The following OR2L3 variants were observed in gnomAD, a reference collection of about 807,000 sequenced individuals.
OR2L3 encodes the protein olfactory receptor 2L3.
For synonymous variants in OR2L3, 131 were observed against 139.1 expected (o/e 0.94, Z 0.41); for missense variants, 369 against 376.6 (o/e 0.98, Z 0.17).
chr1:248,059,470 G>A (rs1191277908), intron 1 of OR2L3, among the ~76,000 whole-genome samples: 2 of 152,200 alleles, frequency 1.3e-5, no homozygotes, highest in Non-Finnish European at 2.9e-5. Flanking sequence ...GACAAAATGT[G>A]TAACCTATTT....
At position 248,062,060 on chromosome 1, in the gene OR2L3, T is replaced by G. The variant is rs1360537509; in HGVS notation, c.*440T>G. ...GTATCTAGTTGAAAGCTGTAAGATG[T>G]TTTGTCTTTCTTATCTTAGACACTT... On this transcript the variant is annotated 3_prime_UTR_variant, in exon 2 of 2. Coordinates refer to ENST00000359959, the MANE Select transcript of OR2L3 (RefSeq NM_001004687.2). 6.3e-6 allele frequency: 1 copy of G among 159,340 alleles called. No individual in the cohort carries two copies. The highest frequency in any genetic ancestry group is 1.4e-5 in the Non-Finnish European group (1 of 72,208). The allele number at this position is 159,340 out of a possible 1,614,324, so 9.9% of individuals were successfully genotyped here.
rs758534102 is a variant in OR2L3 at position 248,061,312 on chromosome 1, A to G, written c.631A>G (p.Ile211Val). The G allele has an allele frequency of 6.2e-7, 1 of 1,613,354 alleles. No homozygotes were observed. The highest frequency in any genetic ancestry group is 2.2e-5 in the East Asian group (1 of 44,808). The change falls in exon 2 of 2, where the codon ATT (isoleucine) becomes GTT (valine). Residue 211 changes from isoleucine to valine, a missense_variant. Ile to Val is a conservative substitution (Grantham distance 29). Coordinates refer to ENST00000359959, the MANE Select transcript of OR2L3 (RefSeq NM_001004687.2). ...STTIFLVFPF[I>V]AISCSYGRVL... The stretch of plus-strand genomic sequence containing the variant: ...CACCATCTTTCTCGTGTTTCCCTTC[A>G]TTGCTATTTCATGTTCCTATGGCCG...
chr1:248,055,928 A>G (rs1663419584), intron 1 of OR2L3: 1 of 152,158 alleles, frequency 6.6e-6, no homozygotes, highest in Non-Finnish European at 1.5e-5. Flanking sequence ...TAAGCTATTT[A>G]TTATTGCCTC....
intron 1 of OR2L3, among the ~76,000 whole-genome samples, chr1:248,055,276 A>G (rs1278443230): frequency 6.6e-6 from 1 of 152,206 alleles, no homozygotes; most frequent in Non-Finnish European, 1.5e-5. Flanking sequence ...GCTTGCATCC[A>G]GGGGATGAAG....
chr1:248,061,560 C>A lies in OR2L3; in HGVS notation c.879C>A (p.Asn293Lys), dbSNP rs775581151. The change falls in exon 2 of 2, where the codon AAC (asparagine) becomes AAA (lysine). Residue 293 changes from asparagine to lysine, a missense_variant. By Grantham distance (94) the Asn-to-Lys change is moderately conservative (BLOSUM62 0). Coordinates refer to ENST00000359959, the MANE Select transcript of OR2L3 (RefSeq NM_001004687.2). ...MLNPIIYSLRNKEVMGALTRV... is the reference protein window; with the variant it reads ...MLNPIIYSLRKKEVMGALTRV... ...ACCCCATCATCTATAGCCTGAGGAA[C>A]AAGGAGGTGATGGGGGCCCTGACAC... 7.4e-6 allele frequency: 12 copies of A among 1,613,664 alleles called. No individual in the cohort carries two copies. In the South Asian group the frequency reaches 1.1e-4, roughly 15 times the overall value.
At chr1:248,057,185 G>C (rs2103120385) in intron 1 of OR2L3, among the ~76,000 whole-genome samples, 1 of 152,200 alleles carries the variant, frequency 6.6e-6, no homozygotes, top group Admixed American at 6.5e-5. Context: ...TTCAAGTCCT[G>C]AATATCTTTG....
intron 1 of OR2L3, among the ~76,000 whole-genome samples, chr1:248,052,533 G>C (rs1362122154): frequency 6.6e-6 from 1 of 151,982 alleles, no homozygotes; most frequent in Admixed American, 6.6e-5. Context: ...TTGAGGCCAT[G>C]CTGGCTAACA....
In OR2L3 at chr1:248,060,698, A is replaced by C; in HGVS notation, c.17A>C (p.Gln6Pro). ...GAATGCCCCATGGAAAATTACAATC[A>C]AACATCAACTGATTTCATCTTATTA... MENYN[Q>P]TSTDFILLGF... Residue 6 changes from glutamine to proline, a missense_variant, in exon 2 of 2, where the codon CAA (glutamine) becomes CCA (proline). Coordinates refer to ENST00000359959, the MANE Select transcript of OR2L3 (RefSeq NM_001004687.2). 1 of 1,612,786 alleles carries C rather than the reference A, an allele frequency of 6.2e-7. No homozygotes were observed.
rs186782673 is a variant in OR2L3 at position 248,060,952 on chromosome 1, A to G, written c.271A>G (p.Ile91Val). 41 of 1,613,964 alleles carry G rather than the reference A, an allele frequency of 2.5e-5. No individual in the cohort carries two copies. The highest frequency in any genetic ancestry group is 3.0e-5 in the Non-Finnish European group (35 of 1,179,906). Reference protein sequence around the residue: ...ASDFLSGNKSISFTGCGIQSF... With the variant: ...ASDFLSGNKSVSFTGCGIQSF... ...TGATTTTCTGTCTGGTAACAAGTCT[A>G]TCTCCTTCACTGGGTGTGGGATTCA... is the stretch of plus-strand genomic sequence containing the variant. Residue 91 changes from isoleucine to valine, a missense_variant, in exon 2 of 2, where the codon ATC becomes GTC. By Grantham distance (29) the Ile-to-Val change is conservative. Coordinates refer to ENST00000359959, the MANE Select transcript of OR2L3 (RefSeq NM_001004687.2).
chr1:248,053,056 A>G (rs1663322299), intron 1 of OR2L3, among the ~76,000 whole-genome samples: 2 of 151,994 alleles, frequency 1.3e-5, no homozygotes, highest in Non-Finnish European at 2.9e-5. Flanking sequence ...TCCATCACCT[A>G]GGTATTAAGC....
chr1:248,056,289 T>C (rs1333765233), intron 1 of OR2L3, among the ~76,000 whole-genome samples: 1 of 152,088 alleles, frequency 6.6e-6, no homozygotes, highest in Non-Finnish European at 1.5e-5. Flanking sequence ...GTTTATTGAT[T>C]TTTTTTTCAA....
Position 248,060,814 on chromosome 1 carries a change from A to T in OR2L3, c.133A>T (p.Ile45Phe). ...LMALIGNLSM[I>F]LLIFLDTHLH... is the part of the protein sequence containing the mutation. ...GGCTCTAATTGGAAACCTATCCATG[A>T]TTCTTCTCATCTTCTTGGACACCCA... The change falls in exon 2 of 2, where the codon ATT becomes TTT. Residue 45 changes from isoleucine to phenylalanine, a missense_variant. Physicochemically the swap from Ile to Phe is conservative, Grantham distance 21 (BLOSUM62 0). Coordinates refer to ENST00000359959, the MANE Select transcript of OR2L3 (RefSeq NM_001004687.2). The T allele has an allele frequency of 6.2e-7, 1 of 1,613,822 alleles. No homozygotes were observed. Among genetic ancestry groups the T allele is most frequent in the Non-Finnish European group, 8.5e-7 (1 of 1,179,918 alleles).
chr1:248,060,151 T>C (rs1187508995), intron 1 of OR2L3, among the ~76,000 whole-genome samples: 1 of 152,196 alleles, frequency 6.6e-6, no homozygotes, highest in African/African-American at 2.4e-5. Flanking sequence ...TTTCTATGCA[T>C]ATGTATTCAA....
At chr1:248,052,174 T>C (rs750944243) in intron 1 of OR2L3, among the ~76,000 whole-genome samples, 1 of 152,224 alleles carries the variant, frequency 6.6e-6, no homozygotes, top group African/African-American at 2.4e-5. Flanking sequence ...GCATTTAGGA[T>C]TTTTATTCAT....
intron 1 of OR2L3, among the ~76,000 whole-genome samples, chr1:248,053,090 C>A (rs1197496880): frequency 2.0e-5 from 3 of 152,076 alleles, no homozygotes; most frequent in Non-Finnish European, 4.4e-5. Flanking sequence ...GCTCTTTTCC[C>A]TAATGCTCTC....
intron 1 of OR2L3, among the ~76,000 whole-genome samples, chr1:248,051,769 T>TTTTATTTATTTATTTA (rs10689727): frequency 6.6e-6 from 1 of 151,382 alleles, no homozygotes; most frequent in African/African-American, 2.4e-5. Context: ...TCTGCTTTTA[T>TTTTATTTATTTATTTA]TTTATTTATT....
At chr1:248,056,568 G>C (rs148676622) in intron 1 of OR2L3, among the ~76,000 whole-genome samples, 321 of 151,760 alleles carry the variant, frequency 2.1e-3, no homozygotes, top group African/African-American at 7.1e-3. Context: ...GCTTTCTTTG[G>C]TCTTAAAGAA....
intron 1 of OR2L3, chr1:248,055,958 G>C (rs1378575872): frequency 6.6e-6 from 1 of 152,100 alleles, no homozygotes; most frequent in Non-Finnish European, 1.5e-5. Flanking sequence ...ACTTGTTATT[G>C]GTCTATTTAG....
intron 1 of OR2L3, among the ~76,000 whole-genome samples, chr1:248,059,917 G>A (rs954545459): frequency 8.6e-5 from 13 of 151,934 alleles, no homozygotes; most frequent in Admixed American, 3.3e-4. Context: ...GCTTGTGGTC[G>A]TAGTCTCAGC....
Sources: allele counts gnomAD v4.1 joint callset (sites outside exome capture counted in the v4.1 genomes callset), GRCh38; gene constraint gnomAD v4.1.1; transcripts MANE v1.5; gene names NCBI Gene and HGNC (gene_info 2026-07-23, HGNC 2026-07-21).